Variants in GLIS3 observed in about 807,000 individuals in gnomAD.
The protein encoded by GLIS3 is zinc finger protein GLIS3.
A neutral mutation model predicts 78.6 loss-of-function variants in GLIS3; 53 were observed. The ratio of observed to expected loss-of-function variants is 0.67; its 90% CI spans 0.54 to 0.85. The LOEUF (loss-of-function observed/expected upper bound fraction) is 0.85. Among genes scored for constraint, GLIS3 ranks in the 40% least tolerant of loss-of-function variants. GLIS3 has a pLI of 0.00. For missense variants in GLIS3, 1,703 were observed against 1,231.1 expected (o/e 1.38, Z -5.74); for synonymous variants, 684 against 509.9 (o/e 1.34, Z -4.60).
chr9:4,345,048 C>A (rs1013156323), intron 2 of GLIS3, among the ~76,000 whole-genome samples: 1 of 152,162 alleles, frequency 6.6e-6, no homozygotes, highest in Non-Finnish European at 1.5e-5. Flanking sequence ...TTAGTACAAC[C>A]ACGAAAATGA....
intron 4 of GLIS3, among the ~76,000 whole-genome samples, chr9:4,108,261 G>A (rs1436453034): frequency 2.0e-5 from 3 of 152,172 alleles, no homozygotes; most frequent in South Asian, 4.1e-4. Flanking sequence ...ACCCTTGGGA[G>A]AGCCAGCACA....
chr9:3,932,688 C>T, intron 5 of GLIS3: 1 of 503,002 alleles, frequency 2.0e-6, no homozygotes. Flanking sequence ...GATGCCCTAT[C>T]CTTGATGATT....
At chr9:4,051,710 A>G (rs1825758848) in intron 4 of GLIS3, among the ~76,000 whole-genome samples, 1 of 152,232 alleles carries the variant, frequency 6.6e-6, no homozygotes, top group African/African-American at 2.4e-5. Context: ...AACTCTTCAG[A>G]TGTCATCAAA....
the GLIS3 span, among the ~76,000 whole-genome samples, chr9:4,466,815 G>C: frequency 2.0e-5 from 3 of 152,208 alleles, no homozygotes; most frequent in African/African-American, 7.2e-5. Context: ...CGGAGTGTGA[G>C]CTGAAGCAGT....
chr9:4,469,971 A>C, the GLIS3 span, among the ~76,000 whole-genome samples: 1 of 152,218 alleles, frequency 6.6e-6, no homozygotes, highest in South Asian at 2.1e-4. Flanking sequence ...TCCCACAGAA[A>C]CACAAACTAC....
intron 8 of GLIS3, among the ~76,000 whole-genome samples, chr9:3,873,871 G>A (rs1177082701): frequency 6.6e-6 from 1 of 152,122 alleles, no homozygotes; most frequent in Non-Finnish European, 1.5e-5. Context: ...TGGTAAAGGT[G>A]ATTTGACTAC....
rs142125834 is a variant in GLIS3, at chr9:4,151,885, A to G, written c.389-25944T>C. The stretch of plus-strand genomic sequence containing the variant: ...ACAGAATGAAGGGCATTTGAGGTTG[A>G]GACCCTCAGTCCTCCTTGGGCTCAA... On this transcript the variant is annotated intron_variant, in intron 2 of 10. Transcript: ENST00000381971. Among the ~76,000 whole-genome samples the G allele has an allele frequency of 3.6e-4, 55 of 152,326 alleles. 2 individuals carry two copies. The highest frequency in any genetic ancestry group is 3.2e-3 in the Admixed American group (49 of 15,292).
At chr9:4,036,668 C>G (rs569025758) in intron 4 of GLIS3, among the ~76,000 whole-genome samples, 1 of 152,154 alleles carries the variant, frequency 6.6e-6, no homozygotes, top group South Asian at 2.1e-4. Context: ...AGGTGCCCAG[C>G]AAACGGCGCA....
At chr9:4,248,980 T>C (rs1021286998) in intron 2 of GLIS3, among the ~76,000 whole-genome samples, 3 of 152,206 alleles carry the variant, frequency 2.0e-5, no homozygotes, top group Non-Finnish European at 2.9e-5. Flanking sequence ...TCTGTTCCAT[T>C]AGTCTATATA....
chr9:4,307,801 C>A (rs1392912371), intron 4 of GLIS3, among the ~76,000 whole-genome samples: 2 of 152,114 alleles, frequency 1.3e-5, no homozygotes, highest in South Asian at 4.1e-4. Flanking sequence ...GCTCTAGAAG[C>A]TGGAAAAGCA....
chr9:3,947,718 A>G (rs954752621), intron 4 of GLIS3, among the ~76,000 whole-genome samples: 1 of 152,238 alleles, frequency 6.6e-6, no homozygotes, highest in African/African-American at 2.4e-5. Context: ...GCTATTCCAG[A>G]TCTGGCCCTG....
At chr9:4,350,867 T>C (rs1448031043), upstream of GLIS3, among the ~76,000 whole-genome samples, 1 of 152,214 alleles carries the variant, frequency 6.6e-6, no homozygotes, top group Non-Finnish European at 1.5e-5. Flanking sequence ...GGACTTTCCC[T>C]AGTACCACTA....
At chr9:4,048,266 T>A (rs192924723) in intron 4 of GLIS3, among the ~76,000 whole-genome samples, 1 of 152,300 alleles carries the variant, frequency 6.6e-6, no homozygotes, top group African/African-American at 2.4e-5. Context: ...TATTTTTAAA[T>A]TCAGAATGAT....
At chr9:3,867,984 G>A (rs1820711251) in intron 8 of GLIS3, among the ~76,000 whole-genome samples, 1 of 152,292 alleles carries the variant, frequency 6.6e-6, no homozygotes, top group Non-Finnish European at 1.5e-5. Context: ...AGCCCCCAGA[G>A]GGGACACTAC....
chr9:4,024,710 T>C (rs368983477), intron 4 of GLIS3, among the ~76,000 whole-genome samples: 1 of 152,212 alleles, frequency 6.6e-6, no homozygotes, highest in African/African-American at 2.4e-5. Flanking sequence ...CCAGGACTTT[T>C]AAGATTACAG....
intron 4 of GLIS3, among the ~76,000 whole-genome samples, chr9:4,014,727 G>A (rs1290386323): frequency 6.6e-6 from 1 of 152,206 alleles, no homozygotes; most frequent in African/African-American, 2.4e-5. Flanking sequence ...GGGGTACTTT[G>A]TTAGGGCAGC....
chr9:4,145,203 T>C (rs1239010229), intron 2 of GLIS3: 2 of 152,204 alleles, frequency 1.3e-5, no homozygotes. Flanking sequence ...TGGGCAAGTC[T>C]TTGGGATGGC....
At chr9:4,277,585 C>A (rs1827146745) in intron 2 of GLIS3, among the ~76,000 whole-genome samples, 1 of 152,132 alleles carries the variant, frequency 6.6e-6, no homozygotes, top group Admixed American at 6.5e-5. Flanking sequence ...GTCTGACCAA[C>A]AATAATGAAT....
chr9:4,117,183 T>C (rs1831717213), intron 4 of GLIS3, among the ~76,000 whole-genome samples: 1 of 152,190 alleles, frequency 6.6e-6, no homozygotes, highest in South Asian at 2.1e-4. Context: ...GAGATTCTGC[T>C]CCTGTGTATC....
Sources: gnomAD v4.1 joint callset for allele counts (sites outside exome capture counted in the v4.1 genomes callset) on GRCh38, gnomAD v4.1.1 for gene constraint, MANE v1.5 for transcripts, NCBI Gene and HGNC (gene_info 2026-07-23, HGNC 2026-07-21) for gene names.